Variants in MORC2 observed in about 807,000 individuals in gnomAD.
The protein encoded by MORC2 is ATPase MORC2.
MORC2 carries 30 observed loss-of-function variants against 136.0 expected under a neutral mutation model. The observed-to-expected ratio is 0.22, with a 90% CI of 0.17 to 0.30. The LOEUF is 0.30. MORC2 is among the 10% of genes least tolerant of loss of function. MORC2 has a pLI of 1.00. For synonymous variants in MORC2, 439 were observed against 487.0 expected (o/e 0.90, Z 1.30); for missense variants, 922 against 1,333.1 (o/e 0.69, Z 4.80).
intron 1 of MORC2, among the ~76,000 whole-genome samples, chr22:30,960,856 G>C (rs1455496985): frequency 6.8e-6 from 1 of 147,656 alleles, no homozygotes; most frequent in African/African-American, 2.5e-5. Flanking sequence ...TTTTGTTGTT[G>C]TTGTTGTTAT....
rs1027010949 is a variant in MORC2 at position 30,928,359 on chromosome 22, G to A, written c.2842-152C>T. On this transcript the variant is annotated intron_variant, in intron 24 of 25. Coordinates refer to ENST00000397641, the MANE Select transcript of MORC2 (RefSeq NM_001303256.3). ...TACAAAGGGCAAACAGCCTCTTTAC[G>A]TCCAGAGTAGAGAGACATCAATGCC... 20 of 693,816 alleles carry A rather than the reference G, an allele frequency of 2.9e-5. 1 individual carries two copies. The highest frequency in any genetic ancestry group is 7.2e-5 in the South Asian group (4 of 55,350). 43.0% of individuals were successfully genotyped at this position (693,816 alleles called of 1,614,324 possible).
intron 3 of MORC2, among the ~76,000 whole-genome samples, chr22:30,955,218 A>G (rs961602547): frequency 3.9e-5 from 6 of 152,036 alleles, no homozygotes; most frequent in African/African-American, 1.4e-4. Context: ...TCGGCTTCCC[A>G]AAGTGTTGGG....
intron 3 of MORC2, among the ~76,000 whole-genome samples, chr22:30,953,001 T>C (rs2040913844): frequency 6.6e-6 from 1 of 152,236 alleles, no homozygotes; most frequent in African/African-American, 2.4e-5. Context: ...TGGGTACGTC[T>C]GAGGTGGGGC....
rs1180749980 is a variant in MORC2, at chr22:30,935,401, C to A, written c.1738-79G>T. On this transcript the variant is annotated intron_variant, in intron 17 of 25. Transcript: ENST00000397641. ...AAACTTTTTGGATAGTGTCTGGAACCAGGGACAAAAAAAATAGAAAACCTG... is the reference window on the plus strand; with the variant it reads ...AAACTTTTTGGATAGTGTCTGGAACAAGGGACAAAAAAAATAGAAAACCTG... 10 of 1,392,792 alleles carry A rather than the reference C, an allele frequency of 7.2e-6. No homozygotes were observed. In the African/African-American group the frequency reaches 7.2e-5, roughly 10 times the overall value. The allele number at this position is 1,392,792 out of a possible 1,614,324, so 86.3% of individuals were successfully genotyped here.
intron 6 of MORC2, among the ~76,000 whole-genome samples, chr22:30,945,907 C>T (rs1189658173): frequency 1.3e-5 from 2 of 152,294 alleles, no homozygotes; most frequent in East Asian, 3.9e-4. Flanking sequence ...TAACACATTT[C>T]TTCAAAAGGA....
intron 10 of MORC2, 141 bp from the exon 11 acceptor site, chr22:30,940,182 T>C (rs545243464): frequency 8.7e-6 from 7 of 804,784 alleles, no homozygotes; most frequent in Non-Finnish European, 1.4e-5. Context: ...TGGTGAGCAA[T>C]GTGAGGGCAG....
At chr22:30,953,041 T>A (rs1369117728) in intron 3 of MORC2, among the ~76,000 whole-genome samples, 2 of 152,206 alleles carry the variant, frequency 1.3e-5, no homozygotes, top group Admixed American at 1.3e-4. Flanking sequence ...TCCAAGATGA[T>A]ATTGACAACA....
intron 1 of MORC2, among the ~76,000 whole-genome samples, chr22:30,964,392 A>G (rs1043161921): frequency 1.3e-5 from 2 of 152,140 alleles, no homozygotes; most frequent in African/African-American, 4.8e-5. Flanking sequence ...CAAAAAACCC[A>G]GAAATATATG....
chr22:30,929,666 CAGG>C (rs1205577954), intron 24 of MORC2, among the ~76,000 whole-genome samples: 1 of 151,274 alleles, frequency 6.6e-6, no homozygotes, highest in Non-Finnish European at 1.5e-5. Flanking sequence ...GAGGCTGAGG[CAGG>C]AGAATGGTGT....
At chr22:30,948,440 G>A (rs527633602) in intron 5 of MORC2, among the ~76,000 whole-genome samples, 2 of 152,200 alleles carry the variant, frequency 1.3e-5, no homozygotes, top group African/African-American at 2.4e-5. Flanking sequence ...CAGATCCACT[G>A]AATCAGGCCA....
chr22:30,931,580 G>A (rs1317006726), intron 24 of MORC2, among the ~76,000 whole-genome samples: 1 of 152,174 alleles, frequency 6.6e-6, no homozygotes, highest in Non-Finnish European at 1.5e-5. Flanking sequence ...CACACAGCCT[G>A]TTGCCTGGAC....
Position 30,934,767 on chromosome 22 carries a change from G to A in MORC2, c.2193+14C>T. On this transcript the variant is annotated intron_variant, in intron 19 of 25. Transcript: ENST00000397641. This position sits in a 1 kb window ranked among gnomAD's most constrained non-coding sequence, Gnocchi z 4.4. ...GACACTGGGCTGGGGTATTAAAGAG[G>A]ACAAGCGTCTCACCGGGGAGAGTTT... is the stretch of plus-strand genomic sequence containing the variant. 3 of 1,613,254 alleles carry A rather than the reference G, an allele frequency of 1.9e-6. No homozygotes were observed. The highest frequency in any genetic ancestry group is 1.7e-6 in the Non-Finnish European group (2 of 1,179,430).
intron 2 of MORC2, among the ~76,000 whole-genome samples, chr22:30,958,050 A>T (rs558332878): frequency 6.6e-6 from 1 of 152,328 alleles, no homozygotes; most frequent in African/African-American, 2.4e-5. Context: ...ATGGACTTGG[A>T]TTTACATCAG....
chr22:30,927,923 AGT>A, intron 25 of MORC2, 94 bp downstream of exon 25: 1 of 1,435,730 alleles, frequency 7.0e-7, no homozygotes, highest in Non-Finnish European at 9.6e-7. Context: ...GATTCCTGTG[AGT>A]GGATAGATTC....
At chr22:30,939,733 G>A (rs1469270489) in intron 11 of MORC2, 27 bp from the exon 12 acceptor site, 3 of 1,606,646 alleles carry the variant, frequency 1.9e-6, no homozygotes, top group Non-Finnish European at 2.6e-6. Context: ...CAGGTGAGGG[G>A]AGGTGGCACT....
chr22:30,944,247 G>A (rs543316437), intron 6 of MORC2, among the ~76,000 whole-genome samples: 13 of 152,234 alleles, frequency 8.5e-5, no homozygotes, highest in South Asian at 6.2e-4. Flanking sequence ...TCTCCACCAC[G>A]GGAACCGAGT....
Position 30,941,765 on chromosome 22 carries a change from G to A in MORC2, c.698+126C>T, listed in dbSNP as rs2040745192. On this transcript the variant is annotated intron_variant, in intron 8 of 25. Transcript: ENST00000397641. The surrounding 1 kb of genome is among the most constrained non-coding windows in gnomAD (Gnocchi z 4.6). Reference sequence around the variant, plus strand: ...AGGCACCCCACAGGCAACTGAGCTGGCCCTACATACTACCCTACCACAGAA... The same window carrying A: ...AGGCACCCCACAGGCAACTGAGCTGACCCTACATACTACCCTACCACAGAA... 6.3e-6 allele frequency: 7 copies of A among 1,117,354 alleles called. No individual in the cohort carries two copies. The highest frequency in any genetic ancestry group is 9.1e-6 in the Non-Finnish European group (7 of 767,580). The allele number at this position is 1,117,354 out of a possible 1,614,324, so 69.2% of individuals were successfully genotyped here.
In MORC2 at chr22:30,956,791, A is replaced by C; in HGVS notation, c.129T>G (p.Ala43=). The C allele has an allele frequency of 6.5e-7, 1 of 1,546,046 alleles. No homozygotes were observed. Among genetic ancestry groups the C allele is most frequent in the Non-Finnish European group, 8.7e-7 (1 of 1,143,298 alleles). ...CATAAATATCTATTCTGGTGGCATC[A>C]GCATCTCTGCAAAGTGAAAAGAAAA... ...LAELVDNARD[A]DATRIDIYAE... Residue 43 remains alanine, a synonymous_variant, in exon 3 of 26, where the codon GCT becomes GCG. Transcript: ENST00000397641.
At chr22:30,950,773 C>T (rs1439579586) in intron 3 of MORC2, among the ~76,000 whole-genome samples, 1 of 152,206 alleles carries the variant, frequency 6.6e-6, no homozygotes, top group Non-Finnish European at 1.5e-5. Flanking sequence ...CTCACTCCAC[C>T]TGGATTACTA....
Sources: allele counts gnomAD v4.1 joint callset (sites outside exome capture counted in the v4.1 genomes callset), GRCh38; gene constraint gnomAD v4.1.1; non-coding constraint Gnocchi (gnomAD v3.1); transcripts MANE v1.5; gene names NCBI Gene and HGNC (gene_info 2026-07-23, HGNC 2026-07-21).